Variants in ATP11A observed in about 807,000 individuals in gnomAD.
ATP11A encodes the protein ATPase phospholipid transporting 11A, also known as phospholipid-transporting ATPase IH.
In ATP11A, 81 loss-of-function variants were observed where a neutral mutation model predicts 154.4. The observed-to-expected ratio is 0.52, with a 90% CI of 0.44 to 0.63. The LOEUF is 0.63. ATP11A is among the 30% of genes least tolerant of loss of function. The pLI, the probability that ATP11A is intolerant of heterozygous loss-of-function variation, is 0.00. For missense variants in ATP11A, 1,316 were observed against 1,474.3 expected, an observed-to-expected ratio of 0.89 and a Z score of 1.76; for synonymous variants, 623 against 585.9, an observed-to-expected ratio of 1.06 and a Z score of -0.91.
At chr13:112,812,036 T>C (rs979394298) in intron 5 of ATP11A, 16 of 152,380 alleles carry the variant, frequency 1.1e-4, no homozygotes, top group African/African-American at 3.4e-4. Flanking sequence ...CAAACATTGA[T>C]TCTTTGTGTT....
rs565610450 is a variant in ATP11A at position 112,707,320 on chromosome 13, C to T, written c.39+16865C>T. Among the ~76,000 whole-genome samples, 7 of 150,604 alleles carry T rather than the reference C, an allele frequency of 4.6e-5. No homozygotes were observed. The Admixed American group carries it at 4.7e-4, about 10-fold the overall frequency. On this transcript the variant is annotated intron_variant, in intron 1 of 29. Transcript: ENST00000375645. Reference sequence around the variant, plus strand: ...ATCCCACCTACTCAGGAGGCTGAGGCAGGAGACTTGCTTGAACCCAGGAGA... The same window carrying T: ...ATCCCACCTACTCAGGAGGCTGAGGTAGGAGACTTGCTTGAACCCAGGAGA...
chr13:112,712,183 C>G (rs1308247548), intron 1 of ATP11A, among the ~76,000 whole-genome samples: 2 of 152,204 alleles, frequency 1.3e-5, no homozygotes, highest in Non-Finnish European at 2.9e-5. Flanking sequence ...GAAAATAGCA[C>G]AGATGCATTT....
intron 27 of ATP11A, among the ~76,000 whole-genome samples, chr13:112,874,841 G>A (rs1433286119): frequency 6.6e-6 from 1 of 152,180 alleles, no homozygotes; most frequent in Non-Finnish European, 1.5e-5. Flanking sequence ...CAGCCCTGAA[G>A]GCGATGGCTC....
chr13:112,718,484 C>G (rs1888754891), intron 1 of ATP11A, among the ~76,000 whole-genome samples: 1 of 152,188 alleles, frequency 6.6e-6, no homozygotes, highest in South Asian at 2.1e-4. Context: ...GAAATACCCC[C>G]AGAGGGCAGC....
chr13:112,833,231 C>T (rs1433560135), intron 14 of ATP11A, among the ~76,000 whole-genome samples: 2 of 152,178 alleles, frequency 1.3e-5, no homozygotes, highest in Non-Finnish European at 2.9e-5. Flanking sequence ...GTCCCCGGCG[C>T]GTGAGTCTTC....
At position 112,875,911 on chromosome 13, in the gene ATP11A, G is replaced by C. The variant is rs1455155910; in HGVS notation, c.3297G>C (p.Gln1099His). ...PDVLKKVLCR[Q>H]LWPTATERVQ... ...TCCTCAAGAAAGTCCTGTGCCGGCA[G>C]CTGTGGCCAACAGCAACAGAGAGAG... Residue 1099 changes from glutamine (Q) to histidine (H), a missense_variant, in exon 28 of 30, where the codon CAG becomes CAC. Gln to His is a conservative substitution (Grantham distance 24). Transcript: ENST00000375645. This position sits in a 1 kb window ranked among gnomAD's most constrained non-coding sequence, Gnocchi z 4.1. 2.5e-6 allele frequency: 4 copies of C among 1,612,706 alleles called. No individual in the cohort carries two copies. Among genetic ancestry groups the C allele is most frequent in the South Asian group, 1.1e-5 (1 of 91,086 alleles).
intron 4 of ATP11A, among the ~76,000 whole-genome samples, chr13:112,806,981 G>A (rs1021877982): frequency 6.6e-6 from 1 of 152,228 alleles, no homozygotes; most frequent in African/African-American, 2.4e-5. Flanking sequence ...TCCGTCTGAT[G>A]AATGAGTCAC....
intron 1 of ATP11A, among the ~76,000 whole-genome samples, chr13:112,764,458 G>A (rs2077030349): frequency 6.6e-6 from 1 of 152,216 alleles, no homozygotes; most frequent in African/African-American, 2.4e-5. Context: ...GTCTGTCAGG[G>A]TTAGAAGACC....
rs2080990454 is a variant in ATP11A, at chr13:112,887,103, AC to A, written c.*5239del. 1 of 152,236 alleles carries A rather than the reference AC, an allele frequency of 6.6e-6. No homozygotes were observed. Among genetic ancestry groups the A allele is most frequent in the Non-Finnish European group, 1.5e-5 (1 of 68,042 alleles). The allele number at this position is 152,236 out of a possible 1,614,324, so 9.4% of individuals were successfully genotyped here. ...TTTCTCTAGATTATCTAAGCAGGAGACCTGAATCTGCTTGCAATAAAGAATA... is the reference window on the plus strand; with the variant it reads ...TTTCTCTAGATTATCTAAGCAGGAGACTGAATCTGCTTGCAATAAAGAATA... On this transcript the variant is annotated 3_prime_UTR_variant, in exon 30 of 30. Coordinates refer to ENST00000375645, the MANE Select transcript of ATP11A (RefSeq NM_015205.3).
Position 112,842,285 on chromosome 13 carries a change from ATC to A in ATP11A, c.1717_1718del (p.Leu573ValfsTer19). The A allele has an allele frequency of 6.2e-7, 1 of 1,608,886 alleles. No individual in the cohort carries two copies. Among genetic ancestry groups the A allele is most frequent in the Non-Finnish European group, 8.5e-7 (1 of 1,177,076 alleles). On this transcript the variant is annotated frameshift_variant, in exon 17 of 30. Coordinates refer to ENST00000375645, the MANE Select transcript of ATP11A (RefSeq NM_015205.3). LOFTEE classifies it high-confidence loss of function. ...TTTTCTCATTTTGTAGGAGAAATTTATCTGTTTTGCAAAGGAGCAGATTCTTC... is the reference window on the plus strand; with the variant it reads ...TTTTCTCATTTTGTAGGAGAAATTTATGTTTTGCAAAGGAGCAGATTCTTC...
At chr13:112,855,113 T>G (rs145080953) in intron 19 of ATP11A, among the ~76,000 whole-genome samples, 2 of 152,236 alleles carry the variant, frequency 1.3e-5, no homozygotes, top group African/African-American at 4.8e-5. Context: ...TTTACACAAA[T>G]GTTAAGTTAT....
intron 17 of ATP11A, among the ~76,000 whole-genome samples, chr13:112,844,266 G>GAGT (rs2079511907): frequency 6.6e-6 from 1 of 152,224 alleles, no homozygotes; most frequent in Non-Finnish European, 1.5e-5. Context: ...CTGCCCAGGA[G>GAGT]AGTAGGCGCA....
At chr13:112,880,020 G>T (rs1053972046) in intron 29 of ATP11A, among the ~76,000 whole-genome samples, 31 of 152,220 alleles carry the variant, frequency 2.0e-4, no homozygotes, top group Admixed American at 2.0e-3. Context: ...TGCCCATTCA[G>T]ACGTGCAATT....
In ATP11A at chr13:112,854,337, T is replaced by C. The variant is rs2079859969; in HGVS notation, c.2050T>C (p.Trp684Arg). The C allele has an allele frequency of 6.2e-7, 1 of 1,613,936 alleles. No individual in the cohort carries two copies. The highest frequency in any genetic ancestry group is 1.7e-5 in the Admixed American group (1 of 59,992). ...CCTGCAGAAGGCCGGGATCAAAGTC[T>C]GGGTTCTCACGGGAGACAAGATGGA... Reference protein sequence around the residue: ...EALQKAGIKVWVLTGDKMETA... With the variant: ...EALQKAGIKVRVLTGDKMETA... Residue 684 changes from tryptophan to arginine, a missense_variant, in exon 19 of 30, where the codon TGG becomes CGG. By Grantham distance (101) the Trp-to-Arg change is moderately radical. Coordinates refer to ENST00000375645, the MANE Select transcript of ATP11A (RefSeq NM_015205.3).
intron 1 of ATP11A, among the ~76,000 whole-genome samples, chr13:112,691,908 T>G (rs1189386495): frequency 6.6e-6 from 1 of 152,038 alleles, no homozygotes; most frequent in Non-Finnish European, 1.5e-5. Flanking sequence ...CTTACTTAAG[T>G]GGAGAGAACT....
chr13:112,787,335 CTTAA>C (rs1445279505), intron 2 of ATP11A, among the ~76,000 whole-genome samples: 3 of 128,418 alleles, frequency 2.3e-5, no homozygotes. Flanking sequence ...TGGAGACCTA[CTTAA>C]TTGACACCGG....
At chr13:112,817,864 C>G (rs2078686000) in intron 6 of ATP11A, among the ~76,000 whole-genome samples, 1 of 152,186 alleles carries the variant, frequency 6.6e-6, no homozygotes, top group Admixed American at 6.5e-5. Flanking sequence ...TGAGCCCTTT[C>G]CTTAAAAGCA....
At position 112,886,455 on chromosome 13, in the gene ATP11A, G is replaced by A. The variant is rs570982616; in HGVS notation, c.*4589G>A. 3 of 152,158 alleles carry A rather than the reference G, an allele frequency of 2.0e-5. 1 individual carries two copies. The South Asian group carries it at 6.2e-4, about 32-fold the overall frequency. The allele number at this position is 152,158 out of a possible 1,614,324, so 9.4% of individuals were successfully genotyped here. A position where few individuals can be genotyped will look rare whatever the true frequency, so the allele number is the denominator to read the frequency against. The stretch of plus-strand genomic sequence containing the variant: ...CAGTGTCTAACAGCTTGATATGCAG[G>A]TCCTTGCATCCTACATTTCTTTAGG... On this transcript the variant is annotated 3_prime_UTR_variant, in exon 30 of 30. Transcript: ENST00000375645.
At chr13:112,854,040 A>G (rs1194781929) in intron 18 of ATP11A, among the ~76,000 whole-genome samples, 4 of 152,124 alleles carry the variant, frequency 2.6e-5, no homozygotes, top group Admixed American at 2.6e-4. Flanking sequence ...TACTTCTCAC[A>G]TGTTTGATCC....
Sources: gnomAD v4.1 joint callset for allele counts (sites outside exome capture counted in the v4.1 genomes callset) on GRCh38, gnomAD v4.1.1 for gene constraint, Gnocchi (gnomAD v3.1) non-coding constraint, MANE v1.5 for transcripts, NCBI Gene and HGNC (gene_info 2026-07-23, HGNC 2026-07-21) for gene names.